Variants in PTPRD observed in about 807,000 individuals in gnomAD.
The protein encoded by PTPRD is protein tyrosine phosphatase receptor type D.
A neutral mutation model predicts 214.5 loss-of-function variants in PTPRD; 34 were observed. The ratio of observed to expected loss-of-function variants is 0.16; its 90% CI spans 0.12 to 0.21. The LOEUF is 0.21. Among genes scored for constraint, PTPRD ranks in the 10% least tolerant of loss-of-function variants. The pLI, the probability that PTPRD is intolerant of heterozygous loss-of-function variation, is 1.00. For synonymous variants in PTPRD, 1,128 were observed against 845.7 expected, an observed-to-expected ratio of 1.33 and a Z score of -5.79; for missense variants, 2,545 against 2,398.7, an observed-to-expected ratio of 1.06 and a Z score of -1.27.
At chr9:8,641,143 T>A (rs970506925) in intron 12 of PTPRD, among the ~76,000 whole-genome samples, 1 of 148,318 alleles carries the variant, frequency 6.7e-6, no homozygotes, top group African/African-American at 2.6e-5. Context: ...TGTCCAAATT[T>A]AAGCCATGCT....
At position 9,837,497 on chromosome 9, in the gene PTPRD, A is replaced by C. The variant is rs1392619647; in HGVS notation, c.-367-70646T>G. On this transcript the variant is annotated intron_variant, in intron 5 of 45. Coordinates refer to ENST00000381196, the MANE Select transcript of PTPRD (RefSeq NM_002839.4). ...GGGAAGTAGGTCCAGTGTCGCATATAAAAGTCAAAAGGGCCATATAGCTGA... is the reference window on the plus strand; with the variant it reads ...GGGAAGTAGGTCCAGTGTCGCATATCAAAGTCAAAAGGGCCATATAGCTGA... Among the ~76,000 whole-genome samples the C allele has an allele frequency of 2.6e-5, 4 of 152,144 alleles. No homozygotes were observed. The East Asian group carries it at 7.7e-4, about 29-fold the overall frequency.
intron 5 of PTPRD, among the ~76,000 whole-genome samples, chr9:9,885,305 G>A (rs913435659): frequency 1.3e-5 from 2 of 151,998 alleles, no homozygotes; most frequent in African/African-American, 2.4e-5. Flanking sequence ...AGTAAGATAA[G>A]GCCAACGTGA....
intron 2 of PTPRD, among the ~76,000 whole-genome samples, chr9:10,541,367 G>T (rs956579178): frequency 1.3e-5 from 2 of 151,918 alleles, no homozygotes; most frequent in Admixed American, 1.3e-4. Context: ...TAAATTTCCA[G>T]TTCTATACAG....
chr9:8,649,210 A>ACTAT (rs2096755650), intron 12 of PTPRD, among the ~76,000 whole-genome samples: 3 of 152,240 alleles, frequency 2.0e-5, no homozygotes, highest in Admixed American at 2.0e-4. Flanking sequence ...GATGAACTGT[A>ACTAT]CTAGCTTCAC....
chr9:8,706,143 T>C (rs1033515372), intron 12 of PTPRD, among the ~76,000 whole-genome samples: 1 of 151,960 alleles, frequency 6.6e-6, no homozygotes. Context: ...ACAATTCTCC[T>C]CAAGAGAAAC....
rs2098569444 is a variant in PTPRD, at chr9:8,726,591, ATATATATATATAT to A, written c.64+7176_64+7188del. Among the ~76,000 whole-genome samples the A allele has an allele frequency of 2.7e-3, 32 of 11,638 alleles. 12 individuals carry two copies. The highest frequency in any genetic ancestry group is 0.014 in the African/African-American group (27 of 1,970). 7.6% of individuals were successfully genotyped at this position (11,638 alleles called of 152,430 possible). On this transcript the variant is annotated intron_variant, in intron 12 of 45. Coordinates refer to ENST00000381196, the MANE Select transcript of PTPRD (RefSeq NM_002839.4). ...TACTAAAAAAAAAAAAAAAAAAAAT[ATATATATATATAT>A]ATATATATATATATATATATATATA...
At chr9:9,754,156 G>T (rs545149442) in intron 6 of PTPRD, among the ~76,000 whole-genome samples, 2 of 152,178 alleles carry the variant, frequency 1.3e-5, no homozygotes, top group South Asian at 4.1e-4. Flanking sequence ...GAATGGAAAT[G>T]TGTTCTGTGA....
At chr9:9,609,794 C>T (rs2094418887) in intron 7 of PTPRD, among the ~76,000 whole-genome samples, 1 of 152,118 alleles carries the variant, frequency 6.6e-6, no homozygotes, top group Non-Finnish European at 1.5e-5. Flanking sequence ...TGAACTCTCC[C>T]TGTGGGAAAA....
At chr9:8,823,393 A>T (rs1013250200) in intron 11 of PTPRD, among the ~76,000 whole-genome samples, 2 of 152,040 alleles carry the variant, frequency 1.3e-5, no homozygotes, top group African/African-American at 4.8e-5. Context: ...GCCCTTCCCC[A>T]CCTTGCATGC....
chr9:8,533,410 A>G (rs1397462703), intron 14 of PTPRD, among the ~76,000 whole-genome samples: 1 of 152,096 alleles, frequency 6.6e-6, no homozygotes, highest in Non-Finnish European at 1.5e-5. Flanking sequence ...AAATATGTTT[A>G]TAAAGAAAAA....
intron 3 of PTPRD, among the ~76,000 whole-genome samples, chr9:10,113,875 G>C (rs1181001811): frequency 6.6e-6 from 1 of 152,158 alleles, no homozygotes. Flanking sequence ...AAGAATCTGG[G>C]AAAAGACTCA....
At chr9:9,421,226 T>C (rs540690862) in intron 8 of PTPRD, among the ~76,000 whole-genome samples, 5 of 151,228 alleles carry the variant, frequency 3.3e-5, no homozygotes, top group Non-Finnish European at 7.4e-5. Context: ...ATTTCTAAAA[T>C]AAAAACACTT....
chr9:9,127,410 G>C (rs1345961239), intron 10 of PTPRD, among the ~76,000 whole-genome samples: 1 of 152,206 alleles, frequency 6.6e-6, no homozygotes, highest in Non-Finnish European at 1.5e-5. Flanking sequence ...GACAGTGTAA[G>C]TATGAAGAGA....
chr9:9,939,610 T>C (rs1393519916), intron 4 of PTPRD, among the ~76,000 whole-genome samples: 2 of 152,212 alleles, frequency 1.3e-5, no homozygotes, highest in Non-Finnish European at 2.9e-5. Flanking sequence ...TTGTACCTAC[T>C]TGGTATTAAT....
chr9:10,521,438 A>T (rs1020181662), intron 2 of PTPRD, among the ~76,000 whole-genome samples: 1 of 152,192 alleles, frequency 6.6e-6, no homozygotes, highest in African/African-American at 2.4e-5. Flanking sequence ...GATGTAGCGA[A>T]CATTTTTCAA....
At chr9:8,990,120 A>ATT (rs2099360488) in intron 11 of PTPRD, among the ~76,000 whole-genome samples, 1 of 152,160 alleles carries the variant, frequency 6.6e-6, no homozygotes, top group South Asian at 2.1e-4. Context: ...CAGTGCCACA[A>ATT]AACTTTAATA....
At chr9:8,635,836 A>C (rs1269645247) in intron 13 of PTPRD, among the ~76,000 whole-genome samples, 1 of 152,112 alleles carries the variant, frequency 6.6e-6, no homozygotes, top group Non-Finnish European at 1.5e-5. Flanking sequence ...GTGTGCCCAT[A>C]ATCTGTGTAG....
chr9:9,733,481 G>C (rs968447963), intron 7 of PTPRD, among the ~76,000 whole-genome samples: 1 of 152,116 alleles, frequency 6.6e-6, no homozygotes, highest in Non-Finnish European at 1.5e-5. Context: ...GGTGGGAAGT[G>C]TGAACTTGAA....
chr9:10,406,021 TA>T (rs1187942388), intron 2 of PTPRD, among the ~76,000 whole-genome samples: 2 of 151,464 alleles, frequency 1.3e-5, no homozygotes, highest in East Asian at 3.9e-4. Context: ...AACTATCCAT[TA>T]TAAGATACAT....
Sources: gnomAD v4.1 joint callset for allele counts (sites outside exome capture counted in the v4.1 genomes callset) on GRCh38, gnomAD v4.1.1 for gene constraint, MANE v1.5 for transcripts, NCBI Gene and HGNC (gene_info 2026-07-23, HGNC 2026-07-21) for gene names.